PTGDR: variants seen among roughly 807,000 people sequenced by gnomAD.
The protein encoded by PTGDR is PGD2 receptor.
In PTGDR, 19 loss-of-function variants were observed where a neutral mutation model predicts 17.4. The ratio of observed to expected loss-of-function variants is 1.09; its 90% CI spans 0.76 to 1.60. PTGDR has a LOEUF of 1.60. Among genes scored for constraint, PTGDR ranks in the 40% most tolerant of loss-of-function variants. The pLI is 0.00. For synonymous variants in PTGDR, 267 were observed against 224.2 expected, an observed-to-expected ratio of 1.19 and a Z score of -1.71; for missense variants, 526 against 481.9, an observed-to-expected ratio of 1.09 and a Z score of -0.86.
intron 1 of PTGDR, among the ~76,000 whole-genome samples, chr14:52,274,082 A>G (rs1385105956): frequency 6.6e-6 from 1 of 152,202 alleles, no homozygotes; most frequent in Non-Finnish European, 1.5e-5. Flanking sequence ...ACAAGAAAAA[A>G]AAAAAGGATG....
intron 1 of PTGDR, chr14:52,269,684 T>A: frequency 1.4e-6 from 1 of 739,658 alleles, no homozygotes; most frequent in Non-Finnish European, 2.1e-6. Flanking sequence ...CAATGGTGAA[T>A]GAAAGGGAAA....
Position 52,276,547 on chromosome 14 carries a change from TAC to T in PTGDR, c.*1585_*1586del, listed in dbSNP as rs778929026. Reference sequence around the variant, plus strand: ...TAACAGTATGACATGATGAAAAAAATACAGTTGTTTTTGAAATTTAACTTTTG... The same window carrying T: ...TAACAGTATGACATGATGAAAAAAATAGTTGTTTTTGAAATTTAACTTTTG... On this transcript the variant is annotated 3_prime_UTR_variant, in exon 2 of 2. Transcript: ENST00000306051. 6.6e-5 allele frequency: 10 copies of T among 152,286 alleles called. No individual in the cohort carries two copies. The highest frequency in any genetic ancestry group is 8.8e-5 in the Non-Finnish European group (6 of 68,022). 9.4% of individuals were successfully genotyped at this position (152,286 alleles called of 1,614,324 possible).
Position 52,267,739 on chromosome 14 carries a change from G to A in PTGDR, c.-76G>A. The A allele has an allele frequency of 1.4e-6, 2 of 1,465,068 alleles. No homozygotes were observed. Among genetic ancestry groups the A allele is most frequent in the Non-Finnish European group, 1.8e-6 (2 of 1,113,498 alleles). The allele number at this position is 1,465,068 out of a possible 1,614,324, so 90.8% of individuals were successfully genotyped here. A position where few individuals can be genotyped will look rare whatever the true frequency, so the allele number is the denominator to read the frequency against. ...GCCCGAGCCGCGCGCGGAGCTGCCG[G>A]GGGCTCCTTAGCACCCGGGCGCCGG... On this transcript the variant is annotated 5_prime_UTR_variant, in exon 1 of 2. Coordinates refer to ENST00000306051, the MANE Select transcript of PTGDR (RefSeq NM_000953.3).
chr14:52,276,360 A>T lies in PTGDR; in HGVS notation c.*1396A>T, dbSNP rs1172777162. On this transcript the variant is annotated 3_prime_UTR_variant, in exon 2 of 2. Transcript: ENST00000306051. The stretch of plus-strand genomic sequence containing the variant: ...GCCAGAAGTCCCTTCCAAATATAAG[A>T]GTACTCATGTTTATTTATTTCCAAC... The T allele has an allele frequency of 6.6e-6, 1 of 152,130 alleles. No homozygotes were observed. The highest frequency in any genetic ancestry group is 2.4e-5 in the African/African-American group (1 of 41,408). The allele number at this position is 152,130 out of a possible 1,614,324, so 9.4% of individuals were successfully genotyped here.
At position 52,268,498 on chromosome 14, in the gene PTGDR, G is replaced by C; in HGVS notation, c.684G>C (p.Met228Ile). The C allele has an allele frequency of 6.2e-7, 1 of 1,610,820 alleles. No homozygotes were observed. Among genetic ancestry groups the C allele is most frequent in the Non-Finnish European group, 8.5e-7 (1 of 1,179,790 alleles). The change falls in exon 1 of 2, where the codon ATG (methionine) becomes ATC (isoleucine). Residue 228 changes from methionine to isoleucine, a missense_variant. Coordinates refer to ENST00000306051, the MANE Select transcript of PTGDR (RefSeq NM_000953.3). Reference protein sequence around the residue: ...NLGAMRNLYAMHRRLQRHPRS... With the variant: ...NLGAMRNLYAIHRRLQRHPRS... ...GCGCCATGCGCAACCTCTATGCGAT[G>C]CACCGGCGGCTGCAGCGGCACCCGC...
rs201641560 is a variant in PTGDR, at chr14:52,268,599, A to C, written c.785A>C (p.Asp262Ala). 67 of 1,609,954 alleles carry C rather than the reference A, an allele frequency of 4.2e-5. No homozygotes were observed. Among genetic ancestry groups the C allele is most frequent in the South Asian group, 1.1e-4 (10 of 90,636 alleles). ...TCCCCTCAGCCCCTGGAGGAGCTGG[A>C]TCACCTCCTGCTGCTGGCGCTGATG... Reference protein sequence around the residue: ...EASPQPLEELDHLLLLALMTV... With the variant: ...EASPQPLEELAHLLLLALMTV... Residue 262 changes from aspartate to alanine, a missense_variant, in exon 1 of 2, where the codon GAT becomes GCT. Asp to Ala is a moderately radical substitution (Grantham distance 126). Coordinates refer to ENST00000306051, the MANE Select transcript of PTGDR (RefSeq NM_000953.3).
chr14:52,268,449 TCGCCACC>T lies in PTGDR; in HGVS notation c.636_642del (p.Ala213CysfsTer55). 1 of 1,609,980 alleles carries T rather than the reference TCGCCACC, an allele frequency of 6.2e-7. No individual in the cohort carries two copies. The highest frequency in any genetic ancestry group is 1.1e-5 in the South Asian group (1 of 91,084). Reference sequence around the variant, plus strand: ...TCCAGCCTCATGGCGCTGCTGGTCCTCGCCACCGTGCTGTGCAACCTCGGCGCCATGC... The same window carrying T: ...TCCAGCCTCATGGCGCTGCTGGTCCTGTGCTGTGCAACCTCGGCGCCATGC... On this transcript the variant is annotated frameshift_variant, in exon 1 of 2. Coordinates refer to ENST00000306051, the MANE Select transcript of PTGDR (RefSeq NM_000953.3). LOFTEE classifies it high-confidence loss of function.
downstream of PTGDR, among the ~76,000 whole-genome samples, chr14:52,279,669 G>A (rs2033466631): frequency 6.6e-6 from 1 of 152,070 alleles, no homozygotes; most frequent in African/African-American, 2.4e-5. Context: ...TAACAGTGAG[G>A]TGAACATTCT....
chr14:52,267,750 G>GC lies in PTGDR; in HGVS notation c.-64dup. The GC allele has an allele frequency of 6.8e-7, 1 of 1,474,122 alleles. No homozygotes were observed. The highest frequency in any genetic ancestry group is 2.4e-5 in the East Asian group (1 of 41,742). 91.3% of individuals were successfully genotyped at this position (1,474,122 alleles called of 1,614,324 possible). ...GCGCGGAGCTGCCGGGGGCTCCTTA[G>GC]CACCCGGGCGCCGGGGCCCTCGCCC... On this transcript the variant is annotated 5_prime_UTR_variant, in exon 1 of 2. Transcript: ENST00000306051.
At chr14:52,277,480 GCAA>G (rs903099692), downstream of PTGDR, among the ~76,000 whole-genome samples, 5 of 152,090 alleles carry the variant, frequency 3.3e-5, no homozygotes, top group Non-Finnish European at 7.4e-5. Flanking sequence ...TCAACAACAA[GCAA>G]CAACAACAAC....
At position 52,268,000 on chromosome 14, in the gene PTGDR, C is replaced by T. The variant is rs776070041; in HGVS notation, c.186C>T (p.Tyr62=). 3 of 1,610,046 alleles carry T rather than the reference C, an allele frequency of 1.9e-6. No homozygotes were observed. Among genetic ancestry groups the T allele is most frequent in the Non-Finnish European group, 2.5e-6 (3 of 1,180,014 alleles). ...TGCGCCCGCTGCCCTCGGTCTTCTA[C>T]ATGCTGGTGTGTGGCCTGACGGTCA... ...RPLRPLPSVF[Y]MLVCGLTVTD... Residue 62 remains tyrosine (Y), a synonymous_variant, in exon 1 of 2, where the codon TAC becomes TAT. Coordinates refer to ENST00000306051, the MANE Select transcript of PTGDR (RefSeq NM_000953.3).
At chr14:52,268,743 A>T (rs547987432) in intron 1 of PTGDR, 83 bp downstream of exon 1, 2 of 1,420,048 alleles carry the variant, frequency 1.4e-6, no homozygotes, top group African/African-American at 2.9e-5. Flanking sequence ...GCGGATCGGG[A>T]TGGACGCGGC....
Position 52,268,336 on chromosome 14 carries a change from C to T in PTGDR, c.522C>T (p.Phe174=), listed in dbSNP as rs745474971. The change falls in exon 1 of 2, where the codon TTC becomes TTT. Residue 174 remains phenylalanine, a synonymous_variant. Coordinates refer to ENST00000306051, the MANE Select transcript of PTGDR (RefSeq NM_000953.3). The part of the protein sequence containing the change: ...CALPFMGFGK[F]VQYCPGTWCF... ...TACCTTTCATGGGCTTCGGGAAGTTCGTGCAGTACTGCCCCGGCACCTGGT... is the reference window on the plus strand; with the variant it reads ...TACCTTTCATGGGCTTCGGGAAGTTTGTGCAGTACTGCCCCGGCACCTGGT... 4.3e-6 allele frequency: 7 copies of T among 1,613,604 alleles called. No homozygotes were observed. Among genetic ancestry groups the T allele is most frequent in the Non-Finnish European group, 4.2e-6 (5 of 1,180,034 alleles).
chr14:52,274,746 G>A lies in PTGDR; in HGVS notation c.862G>A (p.Gly288Arg). Residue 288 changes from glycine (G) to arginine (R), a missense_variant, in exon 2 of 2, where the codon GGA becomes AGA. Gly to Arg is a moderately radical substitution (Grantham distance 125). Transcript: ENST00000306051. ...SLPVIYRAYY[G>R]AFKDVKEKNR... Reference sequence around the variant, plus strand: ...TTCAAAACAGTATCGCGCTTACTATGGAGCATTTAAGGATGTCAAGGAGAA... The same window carrying A: ...TTCAAAACAGTATCGCGCTTACTATAGAGCATTTAAGGATGTCAAGGAGAA... 2 of 1,611,194 alleles carry A rather than the reference G, an allele frequency of 1.2e-6. No individual in the cohort carries two copies. The highest frequency in any genetic ancestry group is 1.1e-5 in the South Asian group (1 of 91,032).
At chr14:52,273,723 C>A (rs10498445) in intron 1 of PTGDR, among the ~76,000 whole-genome samples, 1 of 152,096 alleles carries the variant, frequency 6.6e-6, no homozygotes, top group East Asian at 1.9e-4. Flanking sequence ...CTCTGATTGC[C>A]TCGAATGGGT....
chr14:52,268,007 G>A lies in PTGDR; in HGVS notation c.193G>A (p.Val65Met), dbSNP rs200936918. The part of the protein sequence containing the change: ...RPLPSVFYML[V>M]CGLTVTDLLG... ...GCTGCCCTCGGTCTTCTACATGCTG[G>A]TGTGTGGCCTGACGGTCACCGACTT... The change falls in exon 1 of 2, where the codon GTG becomes ATG. Residue 65 changes from valine (V) to methionine (M), a missense_variant. Val to Met is a conservative substitution (Grantham distance 21). Coordinates refer to ENST00000306051, the MANE Select transcript of PTGDR (RefSeq NM_000953.3). The A allele has an allele frequency of 6.2e-7, 1 of 1,610,348 alleles. No homozygotes were observed. The highest frequency in any genetic ancestry group is 1.1e-5 in the South Asian group (1 of 91,092).
rs1463236315 is a variant in PTGDR, at chr14:52,268,423, C to T, written c.609C>T (p.Tyr203=). 6.8e-6 allele frequency: 11 copies of T among 1,610,560 alleles called. No homozygotes were observed. Among genetic ancestry groups the T allele is most frequent in the Admixed American group, 1.7e-5 (1 of 60,016 alleles). Residue 203 remains tyrosine (Y), a synonymous_variant, in exon 1 of 2, where the codon TAC becomes TAT. Coordinates refer to ENST00000306051, the MANE Select transcript of PTGDR (RefSeq NM_000953.3). The part of the protein sequence containing the change: ...SLSVLGYSVL[Y]SSLMALLVLA... ...CGGTGCTGGGGTACTCTGTGCTCTACTCCAGCCTCATGGCGCTGCTGGTCC... is the reference window on the plus strand; with the variant it reads ...CGGTGCTGGGGTACTCTGTGCTCTATTCCAGCCTCATGGCGCTGCTGGTCC...
intron 1 of PTGDR, among the ~76,000 whole-genome samples, chr14:52,272,498 A>T (rs2033340289): frequency 6.6e-6 from 1 of 152,078 alleles, no homozygotes; most frequent in African/African-American, 2.4e-5. Flanking sequence ...GGGCATTTTT[A>T]AAAGTGCTCA....
chr14:52,269,336 C>T (rs2033281367), intron 1 of PTGDR: 4 of 839,432 alleles, frequency 4.8e-6, no homozygotes, highest in East Asian at 5.4e-5. Flanking sequence ...GACAACCTGA[C>T]TTGACGGGTT....
Sources: allele counts gnomAD v4.1 joint callset (sites outside exome capture counted in the v4.1 genomes callset), GRCh38; gene constraint gnomAD v4.1.1; transcripts MANE v1.5; gene names NCBI Gene and HGNC (gene_info 2026-07-23, HGNC 2026-07-21).